TAB2: variants seen among roughly 807,000 people sequenced by gnomAD.
The protein encoded by TAB2 is TGF-beta-activated kinase 1 and MAP3K7-binding protein 2.
In TAB2, 3 loss-of-function variants were observed where a neutral mutation model predicts 65.0. That is an observed-to-expected ratio of 0.05 (90% CI 0.02 to 0.12). TAB2 has a LOEUF of 0.12. Ranked by LOEUF, TAB2 falls within the 10% of genes least tolerant of loss-of-function variation. The pLI, the probability that TAB2 is intolerant of heterozygous loss-of-function variation, is 1.00. For synonymous variants in TAB2, 298 were observed against 285.1 expected (o/e 1.05, Z -0.46); for missense variants, 623 against 840.3 (o/e 0.74, Z 3.20).
intron 1 of TAB2, among the ~76,000 whole-genome samples, chr6:149,219,228 G>T (rs1463894860): frequency 6.6e-6 from 1 of 151,994 alleles, no homozygotes; most frequent in Admixed American, 6.6e-5. Context: ...AATGAGGCAA[G>T]GCCACCATTT....
chr6:149,242,595 C>G (rs1008261649), intron 1 of TAB2, among the ~76,000 whole-genome samples: 1 of 152,150 alleles, frequency 6.6e-6, no homozygotes, highest in African/African-American at 2.4e-5. Context: ...AATGGAAATG[C>G]CCCAGAATGT....
chr6:149,349,941 A>T (rs9498329), intron 1 of TAB2, among the ~76,000 whole-genome samples: 35,819 of 151,720 alleles, frequency 0.24, 4,412 homozygotes, highest in Non-Finnish European at 0.26. Flanking sequence ...TCATTCATTC[A>T]TTCATTCAGA....
At position 149,283,802 on chromosome 6, in the gene TAB2, G is replaced by C. The variant is rs149626039; in HGVS notation, c.-121+65026G>C. On this transcript the variant is annotated intron_variant, in intron 1 of 1. Coordinates refer to the TAB2 transcript ENST00000606202. ...TGGGAACAATATAGAGTTGAATAGG[G>C]CTGGGTAGGGGACTCTGGTTTATAA... Among the ~76,000 whole-genome samples, 20 of 152,222 alleles carry C rather than the reference G, an allele frequency of 1.3e-4. No individual in the cohort carries two copies. The East Asian group carries it at 3.3e-3, about 25-fold the overall frequency.
chr6:149,317,294 C>A (rs570148239), upstream of TAB2, among the ~76,000 whole-genome samples: 6 of 152,096 alleles, frequency 3.9e-5, no homozygotes. This position sits in a 1 kb window ranked among gnomAD's most constrained non-coding sequence, Gnocchi z 4.7. Context: ...ACCGGCACCC[C>A]CCTCGCACGG....
intron 1 of TAB2, among the ~76,000 whole-genome samples, chr6:149,293,706 T>C (rs610237): frequency 0.52 from 78,779 of 152,064 alleles, 23,187 homozygotes; most frequent in African/African-American, 0.82. Flanking sequence ...TAAATGTAAG[T>C]TTAACATGTT....
At chr6:149,303,871 T>C (rs907163263) in intron 1 of TAB2, among the ~76,000 whole-genome samples, 2 of 152,194 alleles carry the variant, frequency 1.3e-5, no homozygotes, top group African/African-American at 4.8e-5. Flanking sequence ...AGTGGGGATC[T>C]AAATGGCAAT....
intron 1 of TAB2, among the ~76,000 whole-genome samples, chr6:149,260,513 T>C (rs1023633437): frequency 2.0e-5 from 3 of 152,154 alleles, no homozygotes; most frequent in African/African-American, 7.2e-5. Context: ...CAGAAGCCCA[T>C]CTTTAGGAAG....
intron 1 of TAB2, among the ~76,000 whole-genome samples, chr6:149,301,685 C>T (rs187926570): frequency 1.9e-3 from 291 of 152,218 alleles, no homozygotes; most frequent in African/African-American, 6.6e-3. Flanking sequence ...TGAATGTTTC[C>T]ACATAACATT....
At chr6:149,358,155 C>G (rs1780729262) in intron 1 of TAB2, among the ~76,000 whole-genome samples, 1 of 152,122 alleles carries the variant, frequency 6.6e-6, no homozygotes, top group Non-Finnish European at 1.5e-5. Flanking sequence ...ATTAGAAATG[C>G]TTGGGACCAA....
intron 1 of TAB2, chr6:149,246,711 GGCTGGA>G (rs1471143347): frequency 6.6e-6 from 1 of 152,126 alleles, no homozygotes; most frequent in Non-Finnish European, 1.5e-5. Context: ...TCTCTTGCCG[GGCTGGA>G]GCACAGTGGC....
In TAB2 at chr6:149,410,684, C is replaced by G. The variant is rs531911455; in HGVS notation, c.*965C>G. The stretch of plus-strand genomic sequence containing the variant: ...TTACAGAAGTGATGTCTGTAGGTCA[C>G]ATTAAATACTGACTTGAGCAGTGGG... On this transcript the variant is annotated 3_prime_UTR_variant, in exon 7 of 7. Coordinates refer to ENST00000637181, the MANE Select transcript of TAB2 (RefSeq NM_001292034.3). 1 of 152,726 alleles carries G rather than the reference C, an allele frequency of 6.5e-6. No individual in the cohort carries two copies. Among genetic ancestry groups the G allele is most frequent in the Non-Finnish European group, 1.5e-5 (1 of 68,030 alleles). The allele number at this position is 152,726 out of a possible 1,614,324, so 9.5% of individuals were successfully genotyped here. A position where few individuals can be genotyped will look rare whatever the true frequency, so the allele number is the denominator to read the frequency against.
intron 6 of TAB2, among the ~76,000 whole-genome samples, chr6:149,405,642 C>CTT (rs1472412408): frequency 6.6e-6 from 1 of 151,976 alleles, no homozygotes; most frequent in Admixed American, 6.6e-5. Flanking sequence ...TGACATAAGC[C>CTT]GGAGAAAGAC....
intron 6 of TAB2, 126 bp from the exon 7 acceptor site, chr6:149,409,451 G>C: frequency 1.2e-6 from 1 of 815,012 alleles, no homozygotes; most frequent in Non-Finnish European, 2.0e-6. Flanking sequence ...GTCAGTGTCA[G>C]CTAGATGCCC....
intron 1 of TAB2, among the ~76,000 whole-genome samples, chr6:149,270,746 C>T (rs1163314192): frequency 6.6e-6 from 1 of 152,172 alleles, no homozygotes; most frequent in African/African-American, 2.4e-5. Context: ...ATGTATTATC[C>T]AGAGCTTGGG....
chr6:149,326,343 C>T (rs974638457), intron 1 of TAB2, among the ~76,000 whole-genome samples: 2 of 150,990 alleles, frequency 1.3e-5, no homozygotes, highest in Non-Finnish European at 2.9e-5. Flanking sequence ...TTAGCACATT[C>T]TGTAGTGTAT....
chr6:149,379,360 C>A lies in TAB2; in HGVS notation c.1445C>A (p.Ser482Tyr), dbSNP rs1303519849. ...KPPAVSPGVVSPTFELTNLLN... is the reference protein window; with the variant it reads ...KPPAVSPGVVYPTFELTNLLN... ...CCTGCAGTTTCACCAGGGGTGGTGT[C>A]CCCTACCTTTGAACTTACAAATCTT... The change falls in exon 3 of 7, where the codon TCC becomes TAC. Residue 482 changes from serine (S) to tyrosine (Y), a missense_variant. By Grantham distance (144) the Ser-to-Tyr change is moderately radical. This residue lies in a region of TAB2 where 550 missense variants were observed against 665.7 expected (regional missense o/e 0.83). Coordinates refer to ENST00000637181, the MANE Select transcript of TAB2 (RefSeq NM_001292034.3). 1 of 1,614,064 alleles carries A rather than the reference C, an allele frequency of 6.2e-7. No homozygotes were observed. Among genetic ancestry groups the A allele is most frequent in the Non-Finnish European group, 8.5e-7 (1 of 1,180,044 alleles).
chr6:149,243,271 C>G (rs1462396607), intron 1 of TAB2: 1 of 152,226 alleles, frequency 6.6e-6, no homozygotes, highest in Admixed American at 6.5e-5. Context: ...GCTCTTCAGA[C>G]TGACACACTC....
At chr6:149,250,946 C>T (rs1032481933) in intron 1 of TAB2, among the ~76,000 whole-genome samples, 5 of 152,146 alleles carry the variant, frequency 3.3e-5, no homozygotes, top group Admixed American at 1.3e-4. Flanking sequence ...TTGTTTTCTC[C>T]GAAACCTCGC....
chr6:149,330,941 G>T (rs1779764788), intron 1 of TAB2, among the ~76,000 whole-genome samples: 1 of 152,108 alleles, frequency 6.6e-6, no homozygotes, highest in Admixed American at 6.6e-5. Flanking sequence ...TAATTGTGAG[G>T]ATCTATTTCT....
Sources: gnomAD v4.1 joint callset for allele counts (sites outside exome capture counted in the v4.1 genomes callset) on GRCh38, gnomAD v4.1.1 for gene constraint, gnomAD v4.1.1 regional missense constraint, Gnocchi (gnomAD v3.1) non-coding constraint, MANE v1.5 for transcripts, NCBI Gene and HGNC (gene_info 2026-07-23, HGNC 2026-07-21) for gene names.